Variants in DNMT3B observed in about 807,000 individuals in gnomAD.
DNMT3B encodes the protein DNA methyltransferase 3 beta.
Under a neutral mutation model 120.2 loss-of-function variants are expected in DNMT3B, and 37 were observed. The observed-to-expected ratio is 0.31, with a 90% CI of 0.24 to 0.40. The LOEUF is 0.40. DNMT3B is among the 10% of genes least tolerant of loss of function. The pLI, the probability that DNMT3B is intolerant of heterozygous loss-of-function variation, is 1.00. For synonymous variants in DNMT3B, 412 were observed against 442.8 expected (o/e 0.93, Z 0.87); for missense variants, 878 against 1,137.3 (o/e 0.77, Z 3.28).
intron 10 of DNMT3B, 151 bp downstream of exon 10, chr20:32,793,746 C>A (rs1204759504): frequency 2.3e-6 from 2 of 876,608 alleles, no homozygotes; most frequent in Non-Finnish European, 3.7e-6. Context: ...CCCACCCTCA[C>A]AAATACCCTC....
At chr20:32,781,492 A>G (rs543579055) in intron 3 of DNMT3B, 78 bp downstream of exon 3, 11 of 1,506,512 alleles carry the variant, frequency 7.3e-6, no homozygotes, top group South Asian at 1.1e-5. Flanking sequence ...CCTGAGGCCC[A>G]TAAAAACTGG....
intron 1 of DNMT3B, among the ~76,000 whole-genome samples, chr20:32,763,920 C>G (rs1433388760): frequency 6.6e-6 from 1 of 152,130 alleles, no homozygotes; most frequent in Admixed American, 6.6e-5. Flanking sequence ...TTGTGGCAGA[C>G]GGGTGGCAGT....
At position 32,808,348 on chromosome 20, in the gene DNMT3B, C is replaced by G; in HGVS notation, c.*445C>G. On this transcript the variant is annotated 3_prime_UTR_variant, in exon 23 of 23. Coordinates refer to ENST00000328111, the MANE Select transcript of DNMT3B (RefSeq NM_006892.4). ...TAATTTTTGAAAACTGGCTACTGCT[C>G]TGTGTTTACAGACGTGTGCAGTTGT... is the stretch of plus-strand genomic sequence containing the variant. 6.5e-6 allele frequency: 2 copies of G among 308,236 alleles called. No homozygotes were observed. The highest frequency in any genetic ancestry group is 1.2e-4 in the South Asian group (2 of 16,616). The allele number at this position is 308,236 out of a possible 1,614,324, so 19.1% of individuals were successfully genotyped here.
intron 20 of DNMT3B, among the ~76,000 whole-genome samples, chr20:32,804,565 C>G (rs1446441834): frequency 6.6e-6 from 1 of 152,084 alleles, no homozygotes; most frequent in Non-Finnish European, 1.5e-5. Flanking sequence ...GCACCAGTTT[C>G]TGTTCTGGAG....
chr20:32,792,513 G>A, intron 8 of DNMT3B, 113 bp from the exon 9 acceptor site: 1 of 1,580,066 alleles, frequency 6.3e-7, no homozygotes, highest in Non-Finnish European at 8.6e-7. Context: ...GTCTGGCTAT[G>A]AAAGGGCCCA....
intron 1 of DNMT3B, among the ~76,000 whole-genome samples, chr20:32,778,123 G>A (rs1988159217): frequency 6.6e-6 from 1 of 152,190 alleles, no homozygotes; most frequent in Admixed American, 6.5e-5. Context: ...CAGATCACGA[G>A]GACAAGACAT....
intron 20 of DNMT3B, among the ~76,000 whole-genome samples, chr20:32,804,685 T>A (rs1981760660): frequency 1.5e-5 from 1 of 66,626 alleles, no homozygotes; most frequent in Admixed American, 1.7e-4. Flanking sequence ...GTGCTTAGTC[T>A]TTTTTTTTTT....
chr20:32,789,841 G>A (rs1168008727), intron 7 of DNMT3B, among the ~76,000 whole-genome samples: 2 of 152,210 alleles, frequency 1.3e-5, no homozygotes, highest in African/African-American at 2.4e-5. Flanking sequence ...TGATCCACCC[G>A]CCTCGGCCTC....
chr20:32,801,841 C>T (rs1186871837), intron 19 of DNMT3B, among the ~76,000 whole-genome samples: 4 of 152,108 alleles, frequency 2.6e-5, no homozygotes, highest in East Asian at 1.9e-4. Flanking sequence ...CACCTCCCAA[C>T]GTGTTGGGAT....
rs755100690 is a variant in DNMT3B at position 32,786,618 on chromosome 20, G to A, written c.423G>A (p.Pro141=). 9.3e-6 allele frequency: 15 copies of A among 1,613,722 alleles called. No homozygotes were observed. Among genetic ancestry groups the A allele is most frequent in the Admixed American group, 1.7e-5 (1 of 60,016 alleles). Residue 141 remains proline (P), a synonymous_variant, in exon 5 of 23, where the codon CCG becomes CCA. Coordinates refer to ENST00000328111, the MANE Select transcript of DNMT3B (RefSeq NM_006892.4). ...NHVDESPVEF[P]ATRSLRRRAT... ...TGGACGAGTCCCCCGTGGAGTTCCC[G>A]GCTACCAGGGTTGGTTCCCCAGATG...
intron 20 of DNMT3B, 38 bp from the exon 21 acceptor site, chr20:32,805,300 A>G (rs780048623): frequency 4.3e-6 from 7 of 1,613,564 alleles, no homozygotes; most frequent in South Asian, 2.2e-5. Flanking sequence ...AGGACCCTCT[A>G]TAGCTAGTAA....
chr20:32,764,533 C>G (rs928220603), intron 1 of DNMT3B, among the ~76,000 whole-genome samples: 4 of 152,186 alleles, frequency 2.6e-5, no homozygotes, highest in African/African-American at 9.7e-5. Flanking sequence ...GAAAGCTTTT[C>G]TCAATCATTG....
intron 1 of DNMT3B, among the ~76,000 whole-genome samples, chr20:32,765,446 A>C (rs1295239926): frequency 3.0e-5 from 4 of 131,906 alleles, no homozygotes; most frequent in Admixed American, 7.8e-5. Flanking sequence ...TTTTTGAGAC[A>C]GTTTTGCTTT....
chr20:32,799,461 C>A lies in DNMT3B; in HGVS notation c.1759+133C>A, dbSNP rs903754643. 5.4e-5 allele frequency: 53 copies of A among 976,034 alleles called. No homozygotes were observed. The African/African-American group carries it at 7.2e-4, about 13-fold the overall frequency. 60.5% of individuals were successfully genotyped at this position (976,034 alleles called of 1,614,324 possible). ...TGGGGATTACCAGCCCTGAAAAAAA[C>A]CCTGTCTCCTTGTTTCTCTCCACCT... On this transcript the variant is annotated intron_variant, in intron 16 of 22. Transcript: ENST00000328111.
intron 1 of DNMT3B, 145 bp downstream of exon 1, chr20:32,762,844 C>G (rs923528007): frequency 6.6e-6 from 1 of 152,398 alleles, no homozygotes; most frequent in African/African-American, 2.4e-5. Context: ...GGGTTGGAGA[C>G]CCGGCTGGGT....
intron 11 of DNMT3B, 35 bp downstream of exon 11, chr20:32,795,569 G>C: frequency 6.2e-7 from 1 of 1,614,146 alleles, no homozygotes; most frequent in Non-Finnish European, 8.5e-7. Flanking sequence ...TGGGACAGAT[G>C]GGAGGAGGAC....
intron 1 of DNMT3B, among the ~76,000 whole-genome samples, chr20:32,775,007 C>A (rs890565868): frequency 6.6e-6 from 1 of 152,078 alleles, no homozygotes; most frequent in Non-Finnish European, 1.5e-5. Flanking sequence ...CAAGCGTGAG[C>A]CACCGCGCCT....
chr20:32,801,759 AT>A (rs1476288972), intron 19 of DNMT3B, among the ~76,000 whole-genome samples: 1 of 151,884 alleles, frequency 6.6e-6, no homozygotes, highest in Non-Finnish European at 1.5e-5. Context: ...CAATTTTTGT[AT>A]TTTTGGTAGA....
intron 19 of DNMT3B, 42 bp from the exon 20 acceptor site, chr20:32,802,343 C>G (rs373351567): frequency 6.0e-5 from 96 of 1,603,868 alleles, no homozygotes; most frequent in Non-Finnish European, 7.7e-5. Flanking sequence ...CACTGAAACT[C>G]TAATAATAGG....
Sources: allele counts gnomAD v4.1 joint callset (sites outside exome capture counted in the v4.1 genomes callset), GRCh38; gene constraint gnomAD v4.1.1; transcripts MANE v1.5; gene names NCBI Gene and HGNC (gene_info 2026-07-23, HGNC 2026-07-21).